CENPE: variants seen among roughly 807,000 people sequenced by gnomAD.
CENPE encodes centromere-associated protein E.
CENPE carries 145 observed loss-of-function variants against 336.1 expected under a neutral mutation model. The ratio of observed to expected loss-of-function variants is 0.43; its 90% CI spans 0.38 to 0.50. The LOEUF is 0.50. CENPE is among the 20% of genes least tolerant of loss of function. The probability of loss-of-function intolerance (pLI) is 0.00; values close to 1 mark genes in which losing one functional copy is unlikely to be tolerated. For synonymous variants in CENPE, 1,013 were observed against 984.8 expected, an observed-to-expected ratio of 1.03 and a Z score of -0.54; for missense variants, 2,719 against 3,023.3, an observed-to-expected ratio of 0.90 and a Z score of 2.36.
chr4:103,177,149 T>C, intron 13 of CENPE, 103 bp from the exon 14 acceptor site: 1 of 944,306 alleles, frequency 1.1e-6, no homozygotes, highest in South Asian at 1.7e-5. Context: ...CTTGGTAGAA[T>C]TCTTATTAAG....
intron 46 of CENPE, among the ~76,000 whole-genome samples, chr4:103,112,298 T>A (rs959032403): frequency 1.5e-4 from 22 of 146,940 alleles, no homozygotes; most frequent in African/African-American, 5.4e-4. Context: ...CATAAGATAT[T>A]TGCTTGTACT....
At chr4:103,195,419 G>A (rs150187764) in intron 4 of CENPE, among the ~76,000 whole-genome samples, 186 bp from the exon 5 acceptor site, 41 of 152,114 alleles carry the variant, frequency 2.7e-4, no homozygotes, top group African/African-American at 9.9e-4. Context: ...AATGAAAAGT[G>A]AAGTACCATA....
intron 24 of CENPE, among the ~76,000 whole-genome samples, chr4:103,157,539 T>C (rs1754061814): frequency 6.6e-6 from 1 of 151,940 alleles, no homozygotes; most frequent in South Asian, 2.1e-4. Context: ...GTCAAATTCA[T>C]AAAGACAGAA....
chr4:103,196,064 CAA>C, intron 3 of CENPE, 26 bp from the exon 4 acceptor site: 1 of 1,597,524 alleles, frequency 6.3e-7, no homozygotes, highest in Non-Finnish European at 8.6e-7. Flanking sequence ...CACACATACG[CAA>C]AGATTAAAAA....
intron 26 of CENPE, among the ~76,000 whole-genome samples, chr4:103,150,861 C>A (rs760764526): frequency 1.6e-4 from 25 of 152,154 alleles, no homozygotes; most frequent in Non-Finnish European, 2.9e-4. Context: ...TTCAAAATGA[C>A]TAATGCATCT....
At chr4:103,194,705 G>C (rs1274262573) in intron 5 of CENPE, 21 bp from the exon 6 acceptor site, 2 of 1,560,040 alleles carry the variant, frequency 1.3e-6, no homozygotes, top group Non-Finnish European at 1.7e-6. Flanking sequence ...TTTAATTATG[G>C]AAAGATTAGA....
Position 103,194,214 on chromosome 4 carries a change from T to C in CENPE, c.693+15A>G. ...TGGCCCATACAGTACATTATTATGG[T>C]TCATTAATACTCACCAAATGGGATA... On this transcript the variant is annotated intron_variant, in intron 8 of 48. Transcript: ENST00000265148. The C allele has an allele frequency of 6.2e-7, 1 of 1,603,226 alleles. No homozygotes were observed. The highest frequency in any genetic ancestry group is 8.5e-7 in the Non-Finnish European group (1 of 1,171,492).
chr4:103,171,636 C>G (rs1755419001), intron 16 of CENPE, among the ~76,000 whole-genome samples: 1 of 148,298 alleles, frequency 6.7e-6, no homozygotes, highest in African/African-American at 2.5e-5. Flanking sequence ...CCCAAATTAG[C>G]AAATGGAAAG....
intron 46 of CENPE, among the ~76,000 whole-genome samples, chr4:103,113,461 A>G (rs1344699279): frequency 1.4e-5 from 2 of 140,502 alleles, no homozygotes; most frequent in Non-Finnish European, 3.0e-5. Flanking sequence ...TATTACTTAT[A>G]TATAATATAT....
intron 8 of CENPE, among the ~76,000 whole-genome samples, chr4:103,188,673 G>T (rs1757018673): frequency 6.6e-6 from 1 of 152,066 alleles, no homozygotes; most frequent in Admixed American, 6.6e-5. Flanking sequence ...AGCACTAAAC[G>T]CCCACAAGAG....
At chr4:103,130,478 A>G (rs987977066) in intron 42 of CENPE, among the ~76,000 whole-genome samples, 3 of 152,202 alleles carry the variant, frequency 2.0e-5, no homozygotes. Context: ...CAAGATCTAT[A>G]TGAGAAAAAC....
chr4:103,177,023 A>G lies in CENPE; in HGVS notation c.1266T>C (p.Thr422=), dbSNP rs376006343. Reference sequence around the variant, plus strand: ...TTTTGTTAATTTTGCCAAGGCACCAAGTAACTCTTCGTTTTCTTTTAGCCT... The same window carrying G: ...TTTTGTTAATTTTGCCAAGGCACCAGGTAACTCTTCGTTTTCTTTTAGCCT... ...ELKAKRKRRV[T]WCLGKINKMK... Residue 422 remains threonine, a synonymous_variant, in exon 14 of 49, where the codon ACT becomes ACC. Transcript: ENST00000265148. 1.4e-5 allele frequency: 23 copies of G among 1,608,520 alleles called. No individual in the cohort carries two copies. The highest frequency in any genetic ancestry group is 1.8e-5 in the Non-Finnish European group (21 of 1,178,366).
At chr4:103,191,679 A>G (rs936445584) in intron 8 of CENPE, among the ~76,000 whole-genome samples, 1 of 151,940 alleles carries the variant, frequency 6.6e-6, no homozygotes, top group African/African-American at 2.4e-5. Flanking sequence ...TAGCATTAGG[A>G]GATATACCTA....
At chr4:103,137,439 G>A (rs2711900) in intron 39 of CENPE, among the ~76,000 whole-genome samples, 24,564 of 152,070 alleles carry the variant, frequency 0.16, 2,361 homozygotes, top group Non-Finnish European at 0.2. Flanking sequence ...AAACAAGGGC[G>A]TTCTCACAAG....
Position 103,180,481 on chromosome 4 carries a change from A to C in CENPE, c.1084-12T>G. The stretch of plus-strand genomic sequence containing the variant: ...GTCTCTAAAGAAACCTATAGAATGC[A>C]ATATTGGATTATGTTAATAATAAAT... On this transcript the variant is annotated splice_polypyrimidine_tract_variant and intron_variant, in intron 12 of 48. Coordinates refer to ENST00000265148, the MANE Select transcript of CENPE (RefSeq NM_001813.3). The C allele has an allele frequency of 3.8e-6, 6 of 1,585,470 alleles. No homozygotes were observed. Among genetic ancestry groups the C allele is most frequent in the Non-Finnish European group, 5.2e-6 (6 of 1,164,314 alleles).
At chr4:103,177,546 G>A (rs1036695185) in intron 13 of CENPE, among the ~76,000 whole-genome samples, 1 of 151,762 alleles carries the variant, frequency 6.6e-6, no homozygotes, top group African/African-American at 2.4e-5. Flanking sequence ...AATCAAATAA[G>A]ATGAGATGAT....
At chr4:103,155,211 T>C (rs1753867134) in intron 24 of CENPE, among the ~76,000 whole-genome samples, 1 of 152,246 alleles carries the variant, frequency 6.6e-6, no homozygotes, top group Non-Finnish European at 1.5e-5. Flanking sequence ...ATTGTCTCTA[T>C]AACTGCATTT....
At chr4:103,108,012 T>C (rs1391614181) in intron 48 of CENPE, among the ~76,000 whole-genome samples, 2 of 152,152 alleles carry the variant, frequency 1.3e-5, no homozygotes, top group Non-Finnish European at 2.9e-5. Flanking sequence ...CCACACAAGC[T>C]TGTACTCACT....
chr4:103,153,136 G>T lies in CENPE; in HGVS notation c.3148C>A (p.Gln1050Lys). The T allele has an allele frequency of 6.2e-7, 1 of 1,612,200 alleles. No individual in the cohort carries two copies. The part of the protein sequence containing the change: ...EQQRKIFSLI[Q>K]EKNELQQMLE... Reference sequence around the variant, plus strand: ...ATTTGTTGGAGTTCATTTTTCTCCTGTATTAAAGAAAATATCTTCCTTTGT... The same window carrying T: ...ATTTGTTGGAGTTCATTTTTCTCCTTTATTAAAGAAAATATCTTCCTTTGT... The change falls in exon 25 of 49, where the codon CAG becomes AAG. Residue 1050 changes from glutamine (Q) to lysine (K), a missense_variant. Gln to Lys is a moderately conservative substitution (Grantham distance 53, BLOSUM62 1). This residue lies in a region of CENPE where 2,437 missense variants were observed against 2,513.3 expected (regional missense o/e 0.97). Coordinates refer to ENST00000265148, the MANE Select transcript of CENPE (RefSeq NM_001813.3).
Sources: allele counts gnomAD v4.1 joint callset (sites outside exome capture counted in the v4.1 genomes callset), GRCh38; gene constraint gnomAD v4.1.1; regional missense constraint gnomAD v4.1.1; transcripts MANE v1.5; gene names NCBI Gene and HGNC (gene_info 2026-07-23, HGNC 2026-07-21).